MED13: variants seen among roughly 807,000 people sequenced by gnomAD.
MED13 encodes mediator complex subunit 13, also known as mediator of RNA polymerase II transcription subunit 13.
A neutral mutation model predicts 225.2 loss-of-function variants in MED13; 23 were observed. That is an observed-to-expected ratio of 0.10 (90% CI 0.07 to 0.14). MED13 has a LOEUF of 0.14. MED13 is among the 10% of genes least tolerant of loss of function. MED13 has a pLI of 1.00. For synonymous variants in MED13, 942 were observed against 889.2 expected (o/e 1.06, Z -1.06); for missense variants, 2,197 against 2,594.5 (o/e 0.85, Z 3.33).
chr17:61,961,680 A>G lies in MED13; in HGVS notation c.5164T>C (p.Cys1722Arg). 1 of 1,614,154 alleles carries G rather than the reference A, an allele frequency of 6.2e-7. No homozygotes were observed. ...GTTGATGTTGGAAGTGGCCTCCGAC[A>G]CTGGGTAAAGGCCGAAAAAGCCAGG... ...KSLAFSAFTQ[C>R]RRPLPTSTNV... Residue 1722 changes from cysteine to arginine, a missense_variant, in exon 22 of 30, where the codon TGT (cysteine) becomes CGT (arginine). Coordinates refer to ENST00000397786, the MANE Select transcript of MED13 (RefSeq NM_005121.3).
At chr17:62,063,332 C>T in intron 1 of MED13, 31 bp from the exon 2 acceptor site, 2 of 1,440,416 alleles carry the variant, frequency 1.4e-6, no homozygotes, top group Non-Finnish European at 1.9e-6. Flanking sequence ...AGTTTTATTA[C>T]TGCATATTCA....
chr17:62,050,353 CG>C (rs1320049410), intron 3 of MED13, among the ~76,000 whole-genome samples: 2 of 146,520 alleles, frequency 1.4e-5, no homozygotes, highest in African/African-American at 5.1e-5. Context: ...AGTGAAACTC[CG>C]TATCAGAAAA....
intron 23 of MED13, 46 bp from the exon 24 acceptor site, chr17:61,956,527 T>C: frequency 6.4e-7 from 1 of 1,561,010 alleles, no homozygotes; most frequent in Non-Finnish European, 8.7e-7. Flanking sequence ...CTAAAATTTA[T>C]ATGATTTTGC....
At chr17:61,988,409 C>T (rs911926126) in intron 11 of MED13, among the ~76,000 whole-genome samples, 1 of 152,178 alleles carries the variant, frequency 6.6e-6, no homozygotes, top group East Asian at 1.9e-4. Context: ...CATAACCTTC[C>T]AAATCATTCT....
At chr17:61,985,475 G>C (rs966156612) in intron 12 of MED13, among the ~76,000 whole-genome samples, 4 of 152,108 alleles carry the variant, frequency 2.6e-5, no homozygotes. Context: ...AGGAGTTTGA[G>C]ACCAGCCTGG....
chr17:62,037,954 TC>T (rs1172721434), intron 3 of MED13, among the ~76,000 whole-genome samples: 3 of 24,202 alleles, frequency 1.2e-4, no homozygotes, highest in African/African-American at 1.7e-4. Context: ...AGACTTCATC[TC>T]AAAAAAAAAA....
At chr17:62,001,786 G>A (rs1304227205) in intron 9 of MED13, among the ~76,000 whole-genome samples, 1 of 152,198 alleles carries the variant, frequency 6.6e-6, no homozygotes, top group East Asian at 1.9e-4. Flanking sequence ...TTTCATTTAT[G>A]GTCAAGAGTA....
chr17:61,976,472 C>T (rs1309696099), intron 16 of MED13, among the ~76,000 whole-genome samples: 4 of 152,056 alleles, frequency 2.6e-5, no homozygotes, highest in Non-Finnish European at 4.4e-5. Flanking sequence ...TTTTAAAACC[C>T]ACTGTGTTGA....
intron 8 of MED13, among the ~76,000 whole-genome samples, chr17:62,020,228 TTTC>T (rs1367009720): frequency 6.9e-6 from 1 of 144,422 alleles, no homozygotes; most frequent in Non-Finnish European, 1.5e-5. Flanking sequence ...CTTAGCAGCC[TTTC>T]TTTTTTTTTT....
At chr17:61,971,970 A>G (rs2080114046) in intron 17 of MED13, among the ~76,000 whole-genome samples, 1 of 152,100 alleles carries the variant, frequency 6.6e-6, no homozygotes, top group African/African-American at 2.4e-5. Context: ...AATAAAATAA[A>G]ATATATTTTC....
At chr17:62,016,331 T>C (rs761734360) in intron 8 of MED13, among the ~76,000 whole-genome samples, 3 of 151,948 alleles carry the variant, frequency 2.0e-5, no homozygotes, top group African/African-American at 4.8e-5. Context: ...AGCCACCTCA[T>C]TGGCTTGAAT....
At chr17:62,012,512 T>A (rs1324816036) in intron 8 of MED13, among the ~76,000 whole-genome samples, 2 of 151,480 alleles carry the variant, frequency 1.3e-5, no homozygotes, top group Non-Finnish European at 2.9e-5. Flanking sequence ...GCATTTTTAG[T>A]AGAGACGGGG....
chr17:61,979,089 C>T (rs1346691926), intron 16 of MED13, among the ~76,000 whole-genome samples: 2 of 152,112 alleles, frequency 1.3e-5, no homozygotes, highest in Non-Finnish European at 2.9e-5. Flanking sequence ...GTAAATAATA[C>T]ATTTAGTTGT....
intron 11 of MED13, 115 bp from the exon 12 acceptor site, chr17:61,987,243 T>G: frequency 2.0e-6 from 1 of 493,266 alleles, no homozygotes; most frequent in Non-Finnish European, 3.4e-6. Flanking sequence ...AGGACCAGCC[T>G]GGCCAAGATG....
chr17:62,021,973 C>T (rs1443598380), intron 8 of MED13, among the ~76,000 whole-genome samples: 1 of 151,958 alleles, frequency 6.6e-6, no homozygotes, highest in East Asian at 1.9e-4. Flanking sequence ...TTGAGACCAG[C>T]CTGACCAACA....
chr17:62,048,029 T>C (rs1039692976), intron 3 of MED13, among the ~76,000 whole-genome samples: 1 of 123,286 alleles, frequency 8.1e-6, no homozygotes, highest in African/African-American at 3.1e-5. Context: ...TATATACATA[T>C]ACATATACAT....
At chr17:62,063,370 G>A (rs2081056873) in intron 1 of MED13, 69 bp from the exon 2 acceptor site, 3 of 980,660 alleles carry the variant, frequency 3.1e-6, no homozygotes, top group Non-Finnish European at 4.7e-6. Flanking sequence ...TCAATATGAT[G>A]TCTCTTATTT....
chr17:62,035,391 A>G, intron 4 of MED13, 72 bp downstream of exon 4: 1 of 1,277,224 alleles, frequency 7.8e-7, no homozygotes, highest in South Asian at 1.7e-5. Flanking sequence ...CAATCCCCAA[A>G]TGTAAAATTA....
chr17:62,026,181 T>TAA (rs1375735381), intron 8 of MED13, among the ~76,000 whole-genome samples: 1 of 152,194 alleles, frequency 6.6e-6, no homozygotes, highest in African/African-American at 2.4e-5. Flanking sequence ...GATAAAATAA[T>TAA]AAACTCTAGG....
Sources: allele counts gnomAD v4.1 joint callset (sites outside exome capture counted in the v4.1 genomes callset), GRCh38; gene constraint gnomAD v4.1.1; transcripts MANE v1.5; gene names NCBI Gene and HGNC (gene_info 2026-07-23, HGNC 2026-07-21).